Variants in ZNF721 observed in about 807,000 individuals in gnomAD.
ZNF721 encodes the protein zinc finger protein 721.
A neutral mutation model predicts 2.4 loss-of-function variants in ZNF721; 2 were observed. That is an observed-to-expected ratio of 0.82 (90% CI 0.34 to 2.58). ZNF721 has a LOEUF of 2.58. Ranked by LOEUF, ZNF721 falls within the 30% of genes most tolerant of loss-of-function variation. ZNF721 has a pLI of 0.11. For missense variants in ZNF721, 1,187 were observed against 1,085.5 expected, an observed-to-expected ratio of 1.09 and a Z score of -1.31; for synonymous variants, 398 against 381.8, an observed-to-expected ratio of 1.04 and a Z score of -0.50.
intron 2 of ZNF721, among the ~76,000 whole-genome samples, chr4:447,041 G>C (rs1714500431): frequency 6.6e-6 from 1 of 152,112 alleles, no homozygotes; most frequent in Admixed American, 6.6e-5. Context: ...ATATTATTTT[G>C]CAGGGCACAG....
At chr4:483,673 G>T (rs1340910456) in intron 1 of ZNF721, among the ~76,000 whole-genome samples, 1 of 152,266 alleles carries the variant, frequency 6.6e-6, no homozygotes, top group South Asian at 2.1e-4. Flanking sequence ...CTACACAAAT[G>T]TATTAGCTTT....
rs1440167683 is a variant in ZNF721 at position 471,992 on chromosome 4, T to C, written c.34+583A>G. Among the ~76,000 whole-genome samples the C allele has an allele frequency of 2.6e-5, 4 of 152,378 alleles. No individual in the cohort carries two copies. In the East Asian group the frequency reaches 7.7e-4, roughly 29 times the overall value. On this transcript the variant is annotated intron_variant, in intron 2 of 2. Transcript: ENST00000511833. ...GGTTCTTGAAAACTGCAACTTTATA[T>C]GAAGCAATGTTGCTATATACCAAAC...
Position 497,884 on chromosome 4 carries a change from C to A in ZNF721, c.-94+1172G>T, listed in dbSNP as rs191218798. 1.3e-4 allele frequency among the ~76,000 whole-genome samples: 18 copies of A among 140,230 alleles called. No homozygotes were observed. The East Asian group carries it at 1.6e-3, about 12-fold the overall frequency. The allele number at this position is 140,230 out of a possible 152,430, so 92.0% of individuals were successfully genotyped here. A position where few individuals can be genotyped will look rare whatever the true frequency, so the allele number is the denominator to read the frequency against. The stretch of plus-strand genomic sequence containing the variant: ...CTGCACTCCAGGCTGGGCGACAGAG[C>A]GAGACTCCGTCTCAAAAACAAACCA... On this transcript the variant is annotated intron_variant, in intron 1 of 2. Transcript: ENST00000511833.
At position 443,276 on chromosome 4, in the gene ZNF721, G is replaced by C; in HGVS notation, c.1191C>G (p.Ala397=). The change falls in exon 3 of 3, where the codon GCC becomes GCG. Residue 397 remains alanine, a synonymous_variant. Transcript: ENST00000511833. The part of the protein sequence containing the change: ...KPYKCEECGK[A]FNSSTNLTAH... ...CAGTAAGGTTTGTTGAACTATTAAA[G>C]GCTTTGCCACACTCTTCACATTTGT... The C allele has an allele frequency of 1.9e-6, 3 of 1,613,984 alleles. No individual in the cohort carries two copies. The highest frequency in any genetic ancestry group is 2.2e-5 in the South Asian group (2 of 91,062).
chr4:485,771 C>T (rs1324956033), intron 1 of ZNF721, among the ~76,000 whole-genome samples: 6 of 152,044 alleles, frequency 3.9e-5, no homozygotes, highest in Non-Finnish European at 7.4e-5. Context: ...GTCAAGAGAT[C>T]GAGACCATCC....
intron 2 of ZNF721, 35 bp downstream of exon 2, chr4:472,540 G>A (rs782205287): frequency 1.9e-6 from 3 of 1,576,080 alleles, no homozygotes; most frequent in African/African-American, 2.8e-5. Flanking sequence ...AACTCAGAGG[G>A]AGTATTAGGA....
intron 1 of ZNF721, among the ~76,000 whole-genome samples, chr4:476,008 T>A (rs1553868586): frequency 6.6e-6 from 1 of 152,210 alleles, no homozygotes; most frequent in African/African-American, 2.4e-5. Flanking sequence ...CTCAAACTTT[T>A]TTTTACTTTC....
Position 497,574 on chromosome 4 carries a change from C to T in ZNF721, c.-94+1482G>A, listed in dbSNP as rs114733819. ...TGGTTGTATTCATTTTAGGGAGTCA[C>T]GAGATATCAATCATATGTATAATAA... On this transcript the variant is annotated intron_variant, in intron 1 of 2. Coordinates refer to ENST00000511833, the MANE Select transcript of ZNF721 (RefSeq NM_133474.4). Among the ~76,000 whole-genome samples the T allele has an allele frequency of 6.3e-3, 952 of 152,078 alleles. 10 individuals carry two copies. Among genetic ancestry groups the T allele is most frequent in the African/African-American group, 0.021 (865 of 41,472 alleles).
intron 1 of ZNF721, among the ~76,000 whole-genome samples, chr4:497,732 C>CAAA (rs533555862): frequency 0.12 from 14,253 of 123,554 alleles, 987 homozygotes; most frequent in African/African-American, 0.22. Context: ...CTAAAAAATA[C>CAAA]AAAAAAAAAA....
chr4:441,539 A>T lies in ZNF721; in HGVS notation c.*156T>A. The T allele has an allele frequency of 1.5e-6, 1 of 650,302 alleles. No homozygotes were observed. The highest frequency in any genetic ancestry group is 2.5e-6 in the Non-Finnish European group (1 of 394,812). 40.3% of individuals were successfully genotyped at this position (650,302 alleles called of 1,614,324 possible). A position where few individuals can be genotyped will look rare whatever the true frequency, so the allele number is the denominator to read the frequency against. ...AGCCTTCTCACATTTTTCACATTTTAGAGTTTCTCTTCATTATGAATTATC... is the reference window on the plus strand; with the variant it reads ...AGCCTTCTCACATTTTTCACATTTTTGAGTTTCTCTTCATTATGAATTATC... On this transcript the variant is annotated 3_prime_UTR_variant, in exon 3 of 3. Transcript: ENST00000511833.
intron 2 of ZNF721, among the ~76,000 whole-genome samples, chr4:460,914 G>T (rs1322527318): frequency 1.3e-5 from 2 of 152,120 alleles, no homozygotes; most frequent in Non-Finnish European, 2.9e-5. Context: ...TTGAACCCCT[G>T]AATAGACCAG....
At chr4:445,809 T>C (rs975020398) in intron 2 of ZNF721, among the ~76,000 whole-genome samples, 1 of 152,206 alleles carries the variant, frequency 6.6e-6, no homozygotes, top group East Asian at 1.9e-4. Flanking sequence ...CACATATATA[T>C]ACATGAGCAA....
At chr4:479,057 G>A (rs1308612157) in intron 1 of ZNF721, among the ~76,000 whole-genome samples, 3 of 152,096 alleles carry the variant, frequency 2.0e-5, no homozygotes, top group Non-Finnish European at 4.4e-5. Context: ...GTGAACCACC[G>A]CGCCCGGCCC....
chr4:473,238 GAA>G (rs1448897792), intron 1 of ZNF721, among the ~76,000 whole-genome samples: 6 of 152,116 alleles, frequency 3.9e-5, no homozygotes, highest in Non-Finnish European at 5.9e-5. Context: ...TTGCAGGTTT[GAA>G]AAGAGTCCAT....
chr4:449,724 C>T (rs1459222682), intron 2 of ZNF721, among the ~76,000 whole-genome samples: 4 of 151,918 alleles, frequency 2.6e-5, no homozygotes, highest in Non-Finnish European at 5.9e-5. Flanking sequence ...AACAAAAATA[C>T]CACAATTTGA....
intron 1 of ZNF721, among the ~76,000 whole-genome samples, chr4:482,093 A>G (rs1260124590): frequency 1.3e-5 from 2 of 152,214 alleles, no homozygotes; most frequent in Non-Finnish European, 2.9e-5. Flanking sequence ...TATGACTGTG[A>G]GACATTGTTG....
chr4:479,021 C>T (rs782010648), intron 1 of ZNF721, among the ~76,000 whole-genome samples: 41 of 152,272 alleles, frequency 2.7e-4, no homozygotes, highest in Non-Finnish European at 5.4e-4. Flanking sequence ...CCCACCTCGG[C>T]CTCTCAAAGT....
chr4:473,711 G>A (rs928058723), intron 1 of ZNF721, among the ~76,000 whole-genome samples: 1 of 152,292 alleles, frequency 6.6e-6, no homozygotes, highest in Non-Finnish European at 1.5e-5. Context: ...CGCACCTGGC[G>A]TCTTCCCGAT....
intron 2 of ZNF721, 108 bp downstream of exon 2, chr4:472,467 G>A (rs781981686): frequency 2.4e-6 from 3 of 1,231,398 alleles, no homozygotes; most frequent in South Asian, 1.5e-5. Flanking sequence ...ATAGCTGTGT[G>A]TGTGAGACAC....
Sources: allele counts gnomAD v4.1 joint callset (sites outside exome capture counted in the v4.1 genomes callset), GRCh38; gene constraint gnomAD v4.1.1; transcripts MANE v1.5; gene names NCBI Gene and HGNC (gene_info 2026-07-23, HGNC 2026-07-21).